LRRIQ1: variants seen among roughly 807,000 people sequenced by gnomAD.
LRRIQ1 encodes the protein leucine rich repeats and IQ motif containing 1.
LRRIQ1 carries 210 observed loss-of-function variants against 211.9 expected under a neutral mutation model. The observed-to-expected ratio is 0.99, with a 90% CI of 0.89 to 1.11. The LOEUF is 1.11. Ranked by LOEUF, LRRIQ1 falls within the 50% of genes most tolerant of loss-of-function variation. The probability of loss-of-function intolerance (pLI) is 0.00; values close to 1 mark genes in which losing one functional copy is unlikely to be tolerated. For missense variants in LRRIQ1, 2,136 were observed against 1,939.5 expected (o/e 1.10, Z -1.90); for synonymous variants, 699 against 650.1 (o/e 1.08, Z -1.14).
chr12:85,169,405 G>A (rs1891304121), intron 24 of LRRIQ1, among the ~76,000 whole-genome samples: 1 of 152,040 alleles, frequency 6.6e-6, no homozygotes, highest in South Asian at 2.1e-4. Context: ...TGATATGATA[G>A]CTCTTGATAT....
intron 24 of LRRIQ1, among the ~76,000 whole-genome samples, chr12:85,224,024 T>A (rs983075898): frequency 1.1e-4 from 16 of 151,916 alleles, no homozygotes; most frequent in African/African-American, 3.9e-4. Flanking sequence ...TGAGACCTTT[T>A]AAAACCATTT....
At chr12:85,082,600 C>G (rs1156781450) in intron 11 of LRRIQ1, among the ~76,000 whole-genome samples, 2 of 152,074 alleles carry the variant, frequency 1.3e-5, no homozygotes, top group Non-Finnish European at 2.9e-5. Flanking sequence ...CTCTTTGATG[C>G]CCATAGGTAA....
chr12:85,091,005 C>A (rs534418378), intron 11 of LRRIQ1, among the ~76,000 whole-genome samples: 3 of 152,200 alleles, frequency 2.0e-5, no homozygotes, highest in African/African-American at 7.2e-5. Context: ...TAGCTTGATG[C>A]TGTCTTTTCA....
chr12:85,074,249 T>C (rs2136117548), intron 11 of LRRIQ1, among the ~76,000 whole-genome samples: 1 of 152,158 alleles, frequency 6.6e-6, no homozygotes, highest in African/African-American at 2.4e-5. Context: ...ACTATGCAAT[T>C]GTAAAAACAA....
At chr12:85,161,594 C>G (rs975554608) in intron 24 of LRRIQ1, among the ~76,000 whole-genome samples, 1 of 151,908 alleles carries the variant, frequency 6.6e-6, no homozygotes, top group Non-Finnish European at 1.5e-5. Context: ...CTTCATAGCA[C>G]GATTGAAAAT....
At chr12:85,128,472 C>T (rs1424043514) in intron 18 of LRRIQ1, among the ~76,000 whole-genome samples, 4 of 151,928 alleles carry the variant, frequency 2.6e-5, no homozygotes, top group Non-Finnish European at 5.9e-5. Flanking sequence ...TGGTGATGCA[C>T]ACCTGTAGTC....
chr12:85,116,910 A>G (rs1400788357), intron 15 of LRRIQ1, among the ~76,000 whole-genome samples: 3 of 137,092 alleles, frequency 2.2e-5, no homozygotes, highest in Non-Finnish European at 4.8e-5. Context: ...GGCTGCATAT[A>G]TTCCATGGTG....
chr12:85,156,551 A>T (rs1000149704), intron 23 of LRRIQ1, among the ~76,000 whole-genome samples: 4 of 139,338 alleles, frequency 2.9e-5, no homozygotes, highest in African/African-American at 1.1e-4. Context: ...CAGTTTTATA[A>T]TTCAATCGAT....
Position 85,052,183 on chromosome 12 carries a change from C to A in LRRIQ1, c.685C>A (p.Gln229Lys). The A allele has an allele frequency of 6.6e-7, 1 of 1,514,876 alleles. No homozygotes were observed. Among genetic ancestry groups the A allele is most frequent in the Non-Finnish European group, 9.0e-7 (1 of 1,115,032 alleles). The allele number at this position is 1,514,876 out of a possible 1,614,324, so 93.8% of individuals were successfully genotyped here. A position where few individuals can be genotyped will look rare whatever the true frequency, so the allele number is the denominator to read the frequency against. The stretch of plus-strand genomic sequence containing the variant: ...ATTATTATCATATGTTCAGCAAGAA[C>A]AGGACAAGATGAATGATGAACTCTA... ...KKLENIQKQEQDKMNDELYKE... is the reference protein window; with the variant it reads ...KKLENIQKQEKDKMNDELYKE... The change falls in exon 7 of 27, where the codon CAG becomes AAG. Residue 229 changes from glutamine (Q) to lysine (K), a missense_variant. Physicochemically the swap from Gln to Lys is moderately conservative, Grantham distance 53. Coordinates refer to ENST00000393217, the MANE Select transcript of LRRIQ1 (RefSeq NM_001079910.2).
At chr12:85,116,334 C>T (rs1193688325) in intron 15 of LRRIQ1, among the ~76,000 whole-genome samples, 1 of 151,738 alleles carries the variant, frequency 6.6e-6, no homozygotes, top group East Asian at 1.9e-4. Flanking sequence ...TTAGTAGAGA[C>T]GGGGTTTCAT....
downstream of LRRIQ1, among the ~76,000 whole-genome samples, chr12:85,264,825 T>C (rs1325192885): frequency 1.3e-5 from 2 of 152,064 alleles, no homozygotes; most frequent in Non-Finnish European, 2.9e-5. Context: ...TGACTTTTTG[T>C]CCTCTCCTGT....
In LRRIQ1 at chr12:85,101,052, G is replaced by T. The variant is rs188537646; in HGVS notation, c.3209+2058G>T. On this transcript the variant is annotated intron_variant, in intron 13 of 26. Coordinates refer to ENST00000393217, the MANE Select transcript of LRRIQ1 (RefSeq NM_001079910.2). ...AGTTTTTTCTCACAAGTATAAAAGT[G>T]GTAATGCCTATCTTACCTAGTTTAT... Among the ~76,000 whole-genome samples, 391 of 151,736 alleles carry T rather than the reference G, an allele frequency of 2.6e-3. 4 individuals are homozygous for T. The highest frequency in any genetic ancestry group is 9.3e-3 in the African/African-American group (384 of 41,458).
At chr12:85,132,691 G>T (rs539458440) in intron 18 of LRRIQ1, among the ~76,000 whole-genome samples, 2 of 151,982 alleles carry the variant, frequency 1.3e-5, no homozygotes, top group South Asian at 4.2e-4. Context: ...GAGCCCGGAT[G>T]GTCAAGGCTA....
At chr12:85,196,483 A>G (rs1892919359) in intron 24 of LRRIQ1, among the ~76,000 whole-genome samples, 1 of 151,986 alleles carries the variant, frequency 6.6e-6, no homozygotes, top group Admixed American at 6.6e-5. Context: ...ACAGAGATAT[A>G]GATCAATGGA....
intron 24 of LRRIQ1, among the ~76,000 whole-genome samples, chr12:85,176,904 T>A (rs565489030): frequency 5.3e-5 from 8 of 152,242 alleles, no homozygotes; most frequent in African/African-American, 1.9e-4. Context: ...TTGTTTTGGA[T>A]GAGTCTTACA....
At chr12:85,149,332 G>C (rs1330681091) in intron 19 of LRRIQ1, among the ~76,000 whole-genome samples, 1 of 151,848 alleles carries the variant, frequency 6.6e-6, no homozygotes, top group East Asian at 2.0e-4. Context: ...TTTGTATAAG[G>C]TGTAAGGAAG....
At chr12:85,092,374 C>T (rs1592779778) in intron 11 of LRRIQ1, among the ~76,000 whole-genome samples, 2 of 152,238 alleles carry the variant, frequency 1.3e-5, no homozygotes, top group African/African-American at 2.4e-5. Context: ...TCCATCCACA[C>T]CTCTTTCCTG....
At chr12:85,184,345 AAAAT>A (rs1225733549) in intron 24 of LRRIQ1, among the ~76,000 whole-genome samples, 5 of 152,090 alleles carry the variant, frequency 3.3e-5, no homozygotes, top group South Asian at 2.1e-4. Flanking sequence ...CTGAGATTAT[AAAAT>A]AAATAAGTAA....
intron 6 of LRRIQ1, among the ~76,000 whole-genome samples, chr12:85,050,727 A>AG (rs2135948305): frequency 6.6e-6 from 1 of 152,232 alleles, no homozygotes; most frequent in Non-Finnish European, 1.5e-5. Context: ...CATTTCTCAC[A>AG]CTTATCCATA....
Sources: allele counts gnomAD v4.1 joint callset (sites outside exome capture counted in the v4.1 genomes callset), GRCh38; gene constraint gnomAD v4.1.1; transcripts MANE v1.5; gene names NCBI Gene and HGNC (gene_info 2026-07-23, HGNC 2026-07-21).